The following SHISA9 variants were observed in gnomAD, a reference collection of about 807,000 sequenced individuals.
SHISA9 encodes shisa family member 9.
In SHISA9, 13 loss-of-function variants were observed where a neutral mutation model predicts 38.0. The ratio of observed to expected loss-of-function variants is 0.34; its 90% CI spans 0.22 to 0.54. The LOEUF (loss-of-function observed/expected upper bound fraction) is 0.54. Among genes scored for constraint, SHISA9 ranks in the 20% least tolerant of loss-of-function variants. The pLI is 0.91. For synonymous variants in SHISA9, 275 were observed against 242.0 expected (o/e 1.14, Z -1.27); for missense variants, 538 against 575.8 (o/e 0.93, Z 0.67).
the SHISA9 span, among the ~76,000 whole-genome samples, chr16:13,360,438 T>A: frequency 6.6e-6 from 1 of 151,934 alleles, no homozygotes; most frequent in African/African-American, 2.4e-5. Flanking sequence ...ATGGGGGCGG[T>A]TTCCCCCATG....
At chr16:13,400,183 T>C in the SHISA9 span, among the ~76,000 whole-genome samples, 1 of 152,196 alleles carries the variant, frequency 6.6e-6, no homozygotes, top group African/African-American at 2.4e-5. Context: ...GACAGGAAAC[T>C]GGGGAATAAA....
At chr16:13,450,229 C>G in the SHISA9 span, among the ~76,000 whole-genome samples, 5 of 152,280 alleles carry the variant, frequency 3.3e-5, no homozygotes, top group East Asian at 3.9e-4. Flanking sequence ...TTTTTTGCAT[C>G]TTAAAACTTG....
rs772330327 is a variant in SHISA9, at chr16:12,927,574, A to AT, written c.691+10774dup. ...CAATCATGTCAGCTAATTTTTTTTG[A>AT]TTTTTTTTTTTTTTTGTAGAGACAG... On this transcript the variant is annotated intron_variant, in intron 2 of 4. Coordinates refer to ENST00000558583, the MANE Select transcript of SHISA9 (RefSeq NM_001145204.3). 7.6e-3 allele frequency among the ~76,000 whole-genome samples: 1,035 copies of AT among 136,254 alleles called. 3 individuals carry two copies. Among genetic ancestry groups the AT allele is most frequent in the Middle Eastern group, 0.018 (5 of 272 alleles). The allele number at this position is 136,254 out of a possible 152,430, so 89.4% of individuals were successfully genotyped here.
rs139732084 is a variant in SHISA9, at chr16:12,905,356, G to A, written c.563+2729G>A. ...TGAATAAACATCAGGATCTGGGGCA[G>A]TGTCCTAAAATGCAGATTCTTGAGT... On this transcript the variant is annotated intron_variant, in intron 1 of 4. Transcript: ENST00000558583. Among the ~76,000 whole-genome samples, 369 of 152,226 alleles carry A rather than the reference G, an allele frequency of 2.4e-3. 4 individuals are homozygous for A. The highest frequency in any genetic ancestry group is 8.6e-3 in the African/African-American group (356 of 41,528).
At chr16:13,261,102 C>G in the SHISA9 span, among the ~76,000 whole-genome samples, 3 of 152,140 alleles carry the variant, frequency 2.0e-5, no homozygotes, top group African/African-American at 4.8e-5. Flanking sequence ...TCCCACAACA[C>G]TTGGGAATTC....
intron 2 of SHISA9, among the ~76,000 whole-genome samples, chr16:12,966,086 G>A (rs1304892096): frequency 6.6e-6 from 1 of 152,194 alleles, no homozygotes; most frequent in Non-Finnish European, 1.5e-5. Context: ...TCCCTTGGAT[G>A]CCATTAGCAT....
At chr16:12,966,229 C>T (rs892710568) in intron 2 of SHISA9, among the ~76,000 whole-genome samples, 11 of 152,328 alleles carry the variant, frequency 7.2e-5, no homozygotes, top group Middle Eastern at 3.4e-3. Context: ...TTTCCTACAT[C>T]TATGATTTTG....
the SHISA9 span, among the ~76,000 whole-genome samples, chr16:13,469,425 A>AAAAAGAAAGAAAG: frequency 3.4e-5 from 4 of 117,298 alleles, no homozygotes; most frequent in African/African-American, 1.3e-4. Flanking sequence ...AAGAAAGAAA[A>AAAAAGAAAGAAAG]AGAAAGAAAG....
intron 1 of SHISA9, among the ~76,000 whole-genome samples, chr16:12,912,973 C>G (rs2071206186): frequency 6.6e-6 from 1 of 152,092 alleles, no homozygotes; most frequent in African/African-American, 2.4e-5. Flanking sequence ...CAACTCCTCG[C>G]TGTTCAAGGC....
chr16:13,279,984 T>C, the SHISA9 span, among the ~76,000 whole-genome samples: 1 of 151,934 alleles, frequency 6.6e-6, no homozygotes, highest in Admixed American at 6.6e-5. Flanking sequence ...CCATTTCATC[T>C]AAGTTATCAA....
At chr16:13,324,732 C>T in the SHISA9 span, among the ~76,000 whole-genome samples, 6 of 152,144 alleles carry the variant, frequency 3.9e-5, no homozygotes, top group Non-Finnish European at 8.8e-5. Flanking sequence ...AGGACCATAG[C>T]CCGTGACACA....
chr16:13,400,484 A>G, the SHISA9 span, among the ~76,000 whole-genome samples: 111,596 of 152,058 alleles, frequency 0.73, 41,155 homozygotes, highest in Admixed American at 0.81. Flanking sequence ...TCGTCTTACC[A>G]TAAAATCACT....
At chr16:13,414,577 G>A in the SHISA9 span, among the ~76,000 whole-genome samples, 1,375 of 152,020 alleles carry the variant, frequency 9.0e-3, 19 homozygotes, top group South Asian at 0.016. Context: ...AAGCGGACAT[G>A]TAGGGGCTCA....
intron 2 of SHISA9, among the ~76,000 whole-genome samples, chr16:13,074,361 C>G (rs1215905533): frequency 1.3e-5 from 2 of 152,134 alleles, no homozygotes; most frequent in African/African-American, 4.8e-5. Flanking sequence ...TTCTGATTCA[C>G]AATAAAGTTT....
chr16:13,402,116 T>A, the SHISA9 span, among the ~76,000 whole-genome samples: 1 of 150,618 alleles, frequency 6.6e-6, no homozygotes, highest in East Asian at 1.9e-4. Context: ...TCCAGAGAAA[T>A]GAAATCAATA....
the SHISA9 span, among the ~76,000 whole-genome samples, chr16:13,399,468 C>T: frequency 6.6e-6 from 1 of 152,122 alleles, no homozygotes; most frequent in Admixed American, 6.5e-5. Context: ...AACTTACTGT[C>T]CCCCAAGATC....
the SHISA9 span, among the ~76,000 whole-genome samples, chr16:13,313,928 G>A: frequency 6.6e-6 from 1 of 152,104 alleles, no homozygotes; most frequent in African/African-American, 2.4e-5. Flanking sequence ...GACTTGAATG[G>A]TAGCTCTTTG....
chr16:13,314,101 A>G, the SHISA9 span, among the ~76,000 whole-genome samples: 2 of 152,236 alleles, frequency 1.3e-5, no homozygotes, highest in African/African-American at 2.4e-5. Context: ...AGGTTGAGCT[A>G]GGTGATCTCC....
At chr16:13,441,922 T>TG in the SHISA9 span, among the ~76,000 whole-genome samples, 2 of 152,224 alleles carry the variant, frequency 1.3e-5, no homozygotes, top group Non-Finnish European at 2.9e-5. Context: ...TAACCCAAGA[T>TG]GACTCAAAAC....
Sources: allele counts gnomAD v4.1 joint callset (sites outside exome capture counted in the v4.1 genomes callset), GRCh38; gene constraint gnomAD v4.1.1; transcripts MANE v1.5; gene names NCBI Gene and HGNC (gene_info 2026-07-23, HGNC 2026-07-21).